CPNE8: variants seen among roughly 807,000 people sequenced by gnomAD.
CPNE8 encodes copine-8.
A neutral mutation model predicts 81.5 loss-of-function variants in CPNE8; 45 were observed. The ratio of observed to expected loss-of-function variants is 0.55; its 90% confidence interval spans 0.44 to 0.71. The LOEUF is 0.71. Among genes scored for constraint, CPNE8 ranks in the 30% least tolerant of loss-of-function variants. The pLI is 0.00. For missense variants in CPNE8, 594 were observed against 672.1 expected, an observed-to-expected ratio of 0.88 and a Z score of 1.28; for synonymous variants, 252 against 226.3, an observed-to-expected ratio of 1.11 and a Z score of -1.02.
chr12:38,884,332 A>C (rs753274891), intron 1 of CPNE8, among the ~76,000 whole-genome samples: 2 of 152,172 alleles, frequency 1.3e-5, no homozygotes, highest in Non-Finnish European at 2.9e-5. Context: ...TTTCAAGTAC[A>C]TGATGTTTTG....
intron 13 of CPNE8, among the ~76,000 whole-genome samples, chr12:38,719,584 G>GAAAAAAAAA (rs34008352): frequency 8.1e-6 from 1 of 124,186 alleles, no homozygotes; most frequent in Non-Finnish European, 1.7e-5. Flanking sequence ...ATTGTCTCAG[G>GAAAAAAAAA]AAAAAAAAAA....
Position 38,704,834 on chromosome 12 carries a change from A to ATGTGTATATATATATATATATGTG in CPNE8, c.915-1914_915-1913insCACATATATATATATATATACACA, listed in dbSNP as rs370867515. Among the ~76,000 whole-genome samples, 505 of 81,398 alleles carry ATGTGTATATATATATATATATGTG rather than the reference A, an allele frequency of 6.2e-3. 52 individuals are homozygous for ATGTGTATATATATATATATATGTG. Among genetic ancestry groups the ATGTGTATATATATATATATATGTG allele is most frequent in the South Asian group, 0.038 (107 of 2,788 alleles). 53.4% of individuals were successfully genotyped at this position (81,398 alleles called of 152,430 possible). Reference sequence around the variant, plus strand: ...TGTGTGTGTATGTATGTGTATATATATATATATATATATATATATATATAT... The same window carrying ATGTGTATATATATATATATATGTG: ...TGTGTGTGTATGTATGTGTATATATATGTGTATATATATATATATATGTGTATATATATATATATATATATATAT... On this transcript the variant is annotated intron_variant, in intron 13 of 19. Coordinates refer to ENST00000331366, the MANE Select transcript of CPNE8 (RefSeq NM_153634.3).
At chr12:38,885,609 C>T (rs1235691181) in intron 1 of CPNE8, among the ~76,000 whole-genome samples, 2 of 152,110 alleles carry the variant, frequency 1.3e-5, no homozygotes, top group Non-Finnish European at 2.9e-5. Flanking sequence ...AACTGCTTTT[C>T]TGTGTGCAAG....
intron 6 of CPNE8, among the ~76,000 whole-genome samples, chr12:38,805,832 G>T (rs1053308398): frequency 8.0e-5 from 12 of 149,222 alleles, no homozygotes; most frequent in Non-Finnish European, 1.5e-4. Flanking sequence ...TTTTTGAAAG[G>T]ATCAACAAAA....
intron 6 of CPNE8, among the ~76,000 whole-genome samples, chr12:38,806,443 T>C (rs1403633512): frequency 6.7e-6 from 1 of 149,742 alleles, no homozygotes; most frequent in Non-Finnish European, 1.5e-5. Context: ...CAAGGCTGGT[T>C]CAATATATGC....
chr12:38,752,200 A>G (rs556122368), intron 10 of CPNE8, among the ~76,000 whole-genome samples: 2 of 152,326 alleles, frequency 1.3e-5, no homozygotes, highest in Admixed American at 6.5e-5. Flanking sequence ...CAGATGCAAG[A>G]GTTGGCAACT....
chr12:38,842,569 CTTTTT>C (rs769891980), intron 4 of CPNE8, among the ~76,000 whole-genome samples: 7 of 110,836 alleles, frequency 6.3e-5, no homozygotes, highest in African/African-American at 2.5e-4. Flanking sequence ...AACATTTTTC[CTTTTT>C]TTTTTTTTTT....
intron 1 of CPNE8, among the ~76,000 whole-genome samples, chr12:38,887,671 A>C (rs1944256013): frequency 6.6e-6 from 1 of 152,194 alleles, no homozygotes; most frequent in Non-Finnish European, 1.5e-5. Flanking sequence ...ATATTATCTC[A>C]AACAATCCTT....
At chr12:38,793,686 T>C (rs1942383271) in intron 6 of CPNE8, among the ~76,000 whole-genome samples, 1 of 151,788 alleles carries the variant, frequency 6.6e-6, no homozygotes, top group Non-Finnish European at 1.5e-5. Flanking sequence ...AAAATGCCAA[T>C]GGCATTTTTT....
In CPNE8 at chr12:38,840,365, G is replaced by T. The variant is rs540808343; in HGVS notation, c.291-410C>A. On this transcript the variant is annotated intron_variant, in intron 4 of 19. Coordinates refer to ENST00000331366, the MANE Select transcript of CPNE8 (RefSeq NM_153634.3). ...CATCATTTTAAAGGGCAACATGAGG[G>T]ATCCTTGAGGTGATAGAAATGTTCT... 2.8e-4 allele frequency among the ~76,000 whole-genome samples: 43 copies of T among 152,172 alleles called. 1 individual carries two copies. The highest frequency in any genetic ancestry group is 1.0e-3 in the African/African-American group (43 of 41,528).
chr12:38,892,575 T>C (rs913821267), intron 1 of CPNE8, among the ~76,000 whole-genome samples: 1 of 152,162 alleles, frequency 6.6e-6, no homozygotes, highest in African/African-American at 2.4e-5. Context: ...TTATGAAATA[T>C]AGTAAGTCAA....
At chr12:38,761,448 T>G (rs1332606616) in intron 9 of CPNE8, among the ~76,000 whole-genome samples, 3 of 152,164 alleles carry the variant, frequency 2.0e-5, no homozygotes, top group African/African-American at 7.2e-5. Context: ...AATAAAGATA[T>G]GATCTTATTA....
chr12:38,788,715 C>G (rs1942255714), intron 6 of CPNE8, among the ~76,000 whole-genome samples: 1 of 151,582 alleles, frequency 6.6e-6, no homozygotes, highest in African/African-American at 2.4e-5. Context: ...TTAGAAAAAC[C>G]TGAAGATGCC....
chr12:38,892,217 GCTGGTGCCCATGT>G (rs1944323310), intron 1 of CPNE8, among the ~76,000 whole-genome samples: 1 of 152,182 alleles, frequency 6.6e-6, no homozygotes, highest in African/African-American at 2.4e-5. Context: ...GTCCACTTTG[GCTGGTGCCCATGT>G]CTGAGATAAG....
In CPNE8 at chr12:38,702,918, C is replaced by T. The variant is rs542924565; in HGVS notation, c.918G>A (p.Thr306=). 1.3e-5 allele frequency: 20 copies of T among 1,577,920 alleles called. No homozygotes were observed. Among genetic ancestry groups the T allele is most frequent in the East Asian group, 6.9e-5 (3 of 43,422 alleles). ...VSFLDYIKGG[T]QINFTVAIDF... is the part of the protein sequence containing the mutation. ...CAATAGCCACTGTGAAATTGATTTG[C>T]GTCCTGGAATAGAAGTAAACAAGAC... The change falls in exon 14 of 20, where the codon ACG becomes ACA. Residue 306 remains threonine, a synonymous_variant. Transcript: ENST00000331366.
intron 15 of CPNE8, 32 bp from the exon 16 acceptor site, chr12:38,685,649 A>G (rs1255255144): frequency 6.2e-7 from 1 of 1,601,402 alleles, no homozygotes; most frequent in Non-Finnish European, 8.5e-7. Flanking sequence ...ACAAAACAAA[A>G]CAACAGTAAA....
chr12:38,833,682 G>T (rs1003485683), intron 5 of CPNE8, among the ~76,000 whole-genome samples: 11 of 151,932 alleles, frequency 7.2e-5, no homozygotes, highest in African/African-American at 2.4e-4. Flanking sequence ...GTTTCACCGT[G>T]TTAGCCAGGA....
intron 12 of CPNE8, 103 bp from the exon 13 acceptor site, chr12:38,723,936 C>T (rs1033962066): frequency 1.4e-6 from 1 of 694,062 alleles, no homozygotes; most frequent in African/African-American, 1.8e-5. Context: ...TTTTGAAACT[C>T]ACTAAAGATA....
chr12:38,801,478 G>A (rs902654002), intron 6 of CPNE8, among the ~76,000 whole-genome samples: 2 of 40,566 alleles, frequency 4.9e-5, no homozygotes, highest in African/African-American at 2.4e-4. Context: ...GTCACCACCA[G>A]GCCTGCCCTA....
Sources: gnomAD v4.1 joint callset for allele counts (sites outside exome capture counted in the v4.1 genomes callset) on GRCh38, gnomAD v4.1.1 for gene constraint, MANE v1.5 for transcripts, NCBI Gene and HGNC (gene_info 2026-07-23, HGNC 2026-07-21) for gene names.